Variants in MBOAT7 observed in about 807,000 individuals in gnomAD.
The protein encoded by MBOAT7 is membrane bound acylglycerophosphatidylinositol O-acyltransferase MBOAT7.
In MBOAT7, 40 loss-of-function variants were observed where a neutral mutation model predicts 47.4. That is an observed-to-expected ratio of 0.84 (90% CI 0.66 to 1.10). MBOAT7 has a LOEUF of 1.10. Among genes scored for constraint, MBOAT7 ranks in the 50% least tolerant of loss-of-function variants. MBOAT7 has a pLI of 0.00. For synonymous variants in MBOAT7, 361 were observed against 292.0 expected (o/e 1.24, Z -2.41); for missense variants, 680 against 655.6 (o/e 1.04, Z -0.41).
intron 3 of MBOAT7, among the ~76,000 whole-genome samples, chr19:54,187,536 G>A (rs1038769722): frequency 6.6e-6 from 1 of 152,230 alleles, no homozygotes; most frequent in Non-Finnish European, 1.5e-5. Flanking sequence ...AGCTTCGGGT[G>A]AAGACCCTGC....
chr19:54,175,471 T>C (rs74814821), intron 7 of MBOAT7, among the ~76,000 whole-genome samples: 3,902 of 152,312 alleles, frequency 0.026, 162 homozygotes, highest in African/African-American at 0.085. Context: ...CCTGCCTGGC[T>C]CATGAAGATC....
At chr19:54,182,662 A>G (rs1170519583) in intron 5 of MBOAT7, among the ~76,000 whole-genome samples, 2 of 152,042 alleles carry the variant, frequency 1.3e-5, no homozygotes, top group African/African-American at 4.8e-5. Flanking sequence ...ATATATATAC[A>G]CATACACACA....
chr19:54,174,291 C>T lies in MBOAT7; in HGVS notation c.1172G>A (p.Gly391Asp), dbSNP rs753979974. The stretch of plus-strand genomic sequence containing the variant: ...GTGCACCCAGTCCCAGGCCTTCTGG[C>T]CCCCTGGGCTCAGCCGCCCCCGCAG... ...SALRGRLSPG[G>D]QKAWDWVHWF... Residue 391 changes from glycine to aspartate, a missense_variant, in exon 8 of 8, where the codon GGC (glycine) becomes GAC (aspartate). Gly to Asp is a moderately conservative substitution (Grantham distance 94). Coordinates refer to ENST00000245615, the MANE Select transcript of MBOAT7 (RefSeq NM_024298.5). 9.9e-6 allele frequency: 16 copies of T among 1,612,612 alleles called. No individual in the cohort carries two copies. The highest frequency in any genetic ancestry group is 1.7e-5 in the Admixed American group (1 of 59,822).
chr19:54,182,272 A>G (rs1312972686), intron 5 of MBOAT7, among the ~76,000 whole-genome samples: 1 of 152,116 alleles, frequency 6.6e-6, no homozygotes, highest in Non-Finnish European at 1.5e-5. Flanking sequence ...AAATAAATAA[A>G]TAAGACCACA....
intron 7 of MBOAT7, among the ~76,000 whole-genome samples, chr19:54,175,371 C>T (rs1379499650): frequency 2.0e-5 from 3 of 152,158 alleles, no homozygotes; most frequent in Non-Finnish European, 4.4e-5. Flanking sequence ...ACCCCTTTTG[C>T]ACCAGAAGCC....
rs182705664 is a variant in MBOAT7 at position 54,178,518 on chromosome 19, A to T, written c.1031+247T>A. The T allele has an allele frequency of 2.2e-5, 31 of 1,410,678 alleles. No homozygotes were observed. The East Asian group carries it at 7.7e-4, about 35-fold the overall frequency. The allele number at this position is 1,410,678 out of a possible 1,614,324, so 87.4% of individuals were successfully genotyped here. On this transcript the variant is annotated intron_variant, in intron 7 of 7. Coordinates refer to ENST00000245615, the MANE Select transcript of MBOAT7 (RefSeq NM_024298.5). ...GCTGGCTATTGAGTCCACAGGACTC[A>T]GTACATTGCTTCTGCTGAGTGAGGC...
intron 4 of MBOAT7, among the ~76,000 whole-genome samples, chr19:54,185,324 C>T (rs549378900): frequency 6.6e-6 from 1 of 152,244 alleles, no homozygotes; most frequent in South Asian, 2.1e-4. Flanking sequence ...TCCCAAAGCG[C>T]TGGGATTATA....
In MBOAT7 at chr19:54,175,036, C is replaced by T. The variant is rs533830141; in HGVS notation, c.1032-605G>A. On this transcript the variant is annotated intron_variant, in intron 7 of 7. Coordinates refer to ENST00000245615, the MANE Select transcript of MBOAT7 (RefSeq NM_024298.5). ...TGTCGCCCAGGCTAGAGTGCAGTGGCGCGATCTTGGCTCACTGCAAGCTCC... is the reference window on the plus strand; with the variant it reads ...TGTCGCCCAGGCTAGAGTGCAGTGGTGCGATCTTGGCTCACTGCAAGCTCC... Among the ~76,000 whole-genome samples the T allele has an allele frequency of 5.4e-3, 784 of 144,898 alleles. 2 individuals are homozygous for T. Among genetic ancestry groups the T allele is most frequent in the Non-Finnish European group, 6.8e-3 (455 of 66,930 alleles).
In MBOAT7 at chr19:54,174,389, G is replaced by A. The variant is rs776422833; in HGVS notation, c.1074C>T (p.Leu358=). The A allele has an allele frequency of 3.7e-6, 6 of 1,604,330 alleles. No homozygotes were observed. The East Asian group carries it at 6.7e-5, about 18-fold the overall frequency. The change falls in exon 8 of 8, where the codon CTC becomes CTT. Residue 358 remains leucine, a synonymous_variant. Coordinates refer to ENST00000245615, the MANE Select transcript of MBOAT7 (RefSeq NM_024298.5). ...GGAAGCTCAGGTAGTAGCCCGGGTG[G>A]AGGCCGTGCCAGTAGGCGCTCAGCA... is the stretch of plus-strand genomic sequence containing the variant. The part of the protein sequence containing the change: ...TMLLSAYWHG[L]HPGYYLSFLT...
In MBOAT7 at chr19:54,174,176, G is replaced by C; in HGVS notation, c.1287C>G (p.Ile429Met). The C allele has an allele frequency of 6.2e-7, 1 of 1,601,632 alleles. No individual in the cohort carries two copies. The highest frequency in any genetic ancestry group is 8.5e-7 in the Non-Finnish European group (1 of 1,173,608). ...GGGCCAGGAAGTGGATACAGAAGTA[G>C]ATGGAGGCCCAGTACCGAAGGGTGT... ...LADTLRYWAS[I>M]YFCIHFLALA... Residue 429 changes from isoleucine (I) to methionine (M), a missense_variant, in exon 8 of 8, where the codon ATC becomes ATG. Physicochemically the swap from Ile to Met is conservative, Grantham distance 10 (BLOSUM62 1). Transcript: ENST00000245615.
chr19:54,176,354 G>A (rs1055746712), intron 7 of MBOAT7, among the ~76,000 whole-genome samples: 5 of 152,088 alleles, frequency 3.3e-5, no homozygotes, highest in African/African-American at 1.2e-4. Flanking sequence ...CGGAGGCTGG[G>A]TGCAATGGCT....
intron 7 of MBOAT7, chr19:54,178,248 A>T: frequency 5.0e-6 from 5 of 994,304 alleles, no homozygotes; most frequent in Non-Finnish European, 6.0e-6. Context: ...TAACAGTGTC[A>T]AGCACAGAGT....
At position 54,174,365 on chromosome 19, in the gene MBOAT7, G is replaced by A; in HGVS notation, c.1098C>T (p.Phe366=). 1 of 1,611,812 alleles carries A rather than the reference G, an allele frequency of 6.2e-7. No homozygotes were observed. The highest frequency in any genetic ancestry group is 8.5e-7 in the Non-Finnish European group (1 of 1,178,918). The change falls in exon 8 of 8, where the codon TTC becomes TTT. Residue 366 remains phenylalanine, a synonymous_variant. Coordinates refer to ENST00000245615, the MANE Select transcript of MBOAT7 (RefSeq NM_024298.5). ...CAGCCAGGCACAGCGGGATGGTCAG[G>A]AAGCTCAGGTAGTAGCCCGGGTGGA... is the stretch of plus-strand genomic sequence containing the variant. The part of the protein sequence containing the change: ...HGLHPGYYLS[F]LTIPLCLAAE...
At position 54,180,526 on chromosome 19, in the gene MBOAT7, C is replaced by T. The variant is rs954537465; in HGVS notation, c.854+247G>A. ...TTGCTAAGTTACCACCTTTTCCTAG[C>T]GACAGGGGGCAGTTCACCACACTGC... On this transcript the variant is annotated intron_variant, in intron 6 of 7. Transcript: ENST00000245615. The surrounding 1 kb of genome is among the most constrained non-coding windows in gnomAD (Gnocchi z 5.2). The T allele has an allele frequency of 6.4e-6, 3 of 468,102 alleles. No homozygotes were observed. The highest frequency in any genetic ancestry group is 4.0e-5 in the South Asian group (1 of 24,872). The allele number at this position is 468,102 out of a possible 1,614,324, so 29.0% of individuals were successfully genotyped here. A position where few individuals can be genotyped will look rare whatever the true frequency, so the allele number is the denominator to read the frequency against.
At chr19:54,184,163 T>C (rs73936631) in intron 4 of MBOAT7, among the ~76,000 whole-genome samples, 23,704 of 78,770 alleles carry the variant, frequency 0.3, 2,103 homozygotes, top group Non-Finnish European at 0.36. Context: ...CTCTCTCTCT[T>C]TTTTTTTTTT....
In MBOAT7 at chr19:54,187,306, C is replaced by T. The variant is rs368759421; in HGVS notation, c.207-19G>A. ...GCAGGAGCTGGGCAAAAGCAGGAGG[C>T]GCACTGTGTTGGGCACAGAAGTCTC... On this transcript the variant is annotated intron_variant, in intron 3 of 7. Coordinates refer to ENST00000245615, the MANE Select transcript of MBOAT7 (RefSeq NM_024298.5). 128 of 1,598,406 alleles carry T rather than the reference C, an allele frequency of 8.0e-5. No homozygotes were observed. The highest frequency in any genetic ancestry group is 7.8e-4 in the African/African-American group (58 of 74,824).
At chr19:54,179,003 G>T in intron 6 of MBOAT7, 62 bp from the exon 7 acceptor site, 2 of 1,575,882 alleles carry the variant, frequency 1.3e-6, no homozygotes, top group Middle Eastern at 1.7e-4. Context: ...CCCTCCCGAC[G>T]CCTGCTAGTG....
chr19:54,186,891 C>G, intron 4 of MBOAT7: 1 of 471,338 alleles, frequency 2.1e-6, no homozygotes, highest in Non-Finnish European at 3.8e-6. Flanking sequence ...AACCACCCAG[C>G]TGGGCCTCTG....
chr19:54,184,301 G>A (rs1216566937), intron 4 of MBOAT7, among the ~76,000 whole-genome samples: 2 of 151,104 alleles, frequency 1.3e-5, no homozygotes, highest in African/African-American at 2.4e-5. Context: ...GGCTGGTCTC[G>A]AACTCCTGGC....
Sources: allele counts gnomAD v4.1 joint callset (sites outside exome capture counted in the v4.1 genomes callset), GRCh38; gene constraint gnomAD v4.1.1; non-coding constraint Gnocchi (gnomAD v3.1); transcripts MANE v1.5; gene names NCBI Gene and HGNC (gene_info 2026-07-23, HGNC 2026-07-21).